DGKB: variants seen among roughly 807,000 people sequenced by gnomAD.
DGKB encodes the protein diacylglycerol kinase beta, also known as 90 kDa diacylglycerol kinase.
In DGKB, 67 loss-of-function variants were observed where a neutral mutation model predicts 114.3. That is an observed-to-expected ratio of 0.59 (90% confidence interval 0.48 to 0.72). The LOEUF (loss-of-function observed/expected upper bound fraction) is 0.72, where lower values mean the gene tolerates loss of function less well. Among genes scored for constraint, DGKB ranks in the 30% least tolerant of loss-of-function variants. The probability of loss-of-function intolerance (pLI) is 0.00; values close to 1 mark genes in which losing one functional copy is unlikely to be tolerated. For synonymous variants in DGKB, 398 were observed against 323.1 expected, an observed-to-expected ratio of 1.23 and a Z score of -2.49; for missense variants, 907 against 975.2, an observed-to-expected ratio of 0.93 and a Z score of 0.93.
chr7:14,969,647 G>C lies in DGKB; in HGVS notation c.-188+5049C>G, dbSNP rs539791066. On this transcript the variant is annotated intron_variant, in intron 1 of 4. Coordinates refer to the DGKB transcript ENST00000437998. ...GGGATCTACGTTGTGTGCTCGTTAT[G>C]AGAGTCTAATGCCTGATGATCCCAA... Among the ~76,000 whole-genome samples the C allele has an allele frequency of 3.3e-5, 5 of 152,252 alleles. No homozygotes were observed. The East Asian group carries it at 9.7e-4, about 30-fold the overall frequency.
chr7:14,766,691 A>G (rs1836511599), intron 2 of DGKB, among the ~76,000 whole-genome samples: 1 of 151,894 alleles, frequency 6.6e-6, no homozygotes, highest in South Asian at 2.1e-4. Flanking sequence ...ATTTAACTGG[A>G]TGACATCACA....
At chr7:14,397,121 G>A (rs1441018594) in intron 21 of DGKB, among the ~76,000 whole-genome samples, 3 of 152,084 alleles carry the variant, frequency 2.0e-5, no homozygotes, top group East Asian at 1.9e-4. Flanking sequence ...ATGTTTTCTC[G>A]CAATTTTACA....
intron 23 of DGKB, among the ~76,000 whole-genome samples, chr7:14,189,583 A>G (rs1784011499): frequency 6.6e-6 from 1 of 152,178 alleles, no homozygotes; most frequent in African/African-American, 2.4e-5. Context: ...ATGTAAATGG[A>G]TTAAATTTTC....
chr7:14,817,420 G>A (rs1203867771), intron 2 of DGKB, among the ~76,000 whole-genome samples: 1 of 152,162 alleles, frequency 6.6e-6, no homozygotes, highest in East Asian at 1.9e-4. Context: ...CTAGCCAGAT[G>A]CTATGATATT....
intron 6 of DGKB, 125 bp from the exon 7 acceptor site, chr7:14,701,855 A>C: frequency 1.6e-6 from 1 of 635,758 alleles, no homozygotes; most frequent in Non-Finnish European, 2.8e-6. Context: ...TGCTCCAAAC[A>C]ATTAATTTGT....
chr7:14,173,767 A>AAAAGT (rs1237674022), intron 25 of DGKB, among the ~76,000 whole-genome samples: 9 of 152,204 alleles, frequency 5.9e-5, no homozygotes, highest in African/African-American at 2.2e-4. Context: ...CGGCTGTGGG[A>AAAAGT]AAAGTAGAGT....
intron 17 of DGKB, among the ~76,000 whole-genome samples, chr7:14,596,719 T>C (rs1326113552): frequency 6.6e-6 from 1 of 152,178 alleles, no homozygotes; most frequent in African/African-American, 2.4e-5. Context: ...TTTTTGTTTT[T>C]TACTGTTTTA....
intron 2 of DGKB, among the ~76,000 whole-genome samples, chr7:14,834,049 T>A (rs181981192): frequency 2.6e-4 from 40 of 152,262 alleles, no homozygotes; most frequent in Admixed American, 2.6e-3. Flanking sequence ...TATTATTTAC[T>A]GTGGCACTTC....
chr7:14,848,572 G>C (rs1848943754), intron 1 of DGKB, among the ~76,000 whole-genome samples: 1 of 152,166 alleles, frequency 6.6e-6, no homozygotes, highest in East Asian at 1.9e-4. Context: ...GCCTGATGTG[G>C]TGACAAAAAG....
intron 23 of DGKB, among the ~76,000 whole-genome samples, chr7:14,294,706 T>C (rs1802266798): frequency 6.6e-6 from 1 of 152,212 alleles, no homozygotes; most frequent in South Asian, 2.1e-4. Flanking sequence ...AAACAGTTAA[T>C]ACATTTTGTT....
intron 6 of DGKB, among the ~76,000 whole-genome samples, chr7:14,712,541 C>A (rs1184010214): frequency 6.6e-6 from 1 of 151,998 alleles, no homozygotes; most frequent in Non-Finnish European, 1.5e-5. Context: ...CATAGTGACA[C>A]ATGCCTGTAA....
At chr7:14,679,479 T>A (rs1820459099) in intron 12 of DGKB, among the ~76,000 whole-genome samples, 1 of 151,998 alleles carries the variant, frequency 6.6e-6, no homozygotes, top group Non-Finnish European at 1.5e-5. Context: ...GTTGCAACAG[T>A]CAAATCATTT....
At chr7:14,159,411 T>A (rs1423597061) in intron 25 of DGKB, among the ~76,000 whole-genome samples, 1 of 152,202 alleles carries the variant, frequency 6.6e-6, no homozygotes, top group African/African-American at 2.4e-5. Flanking sequence ...TGTCACAGTA[T>A]AATAGTACCA....
intron 9 of DGKB, among the ~76,000 whole-genome samples, chr7:14,689,829 T>G (rs1238401691): frequency 6.6e-6 from 1 of 152,230 alleles, no homozygotes; most frequent in South Asian, 2.1e-4. Flanking sequence ...ATACATAGTC[T>G]TCTATTCTCC....
chr7:14,314,341 G>C (rs1046855672), intron 23 of DGKB, among the ~76,000 whole-genome samples: 1 of 151,746 alleles, frequency 6.6e-6, no homozygotes, highest in Non-Finnish European at 1.5e-5. Context: ...TCTGAGCTAC[G>C]GGAGGACATT....
intron 14 of DGKB, among the ~76,000 whole-genome samples, chr7:14,622,448 A>G (rs1332402693): frequency 6.6e-6 from 1 of 152,114 alleles, no homozygotes; most frequent in African/African-American, 2.4e-5. Context: ...CTAAATGTAT[A>G]ATTCTTGTTC....
Position 14,205,918 on chromosome 7 carries a change from A to G in DGKB, c.2123-27767T>C, listed in dbSNP as rs560890491. 2.9e-3 allele frequency among the ~76,000 whole-genome samples: 445 copies of G among 152,174 alleles called. 3 individuals carry two copies. Among genetic ancestry groups the G allele is most frequent in the Non-Finnish European group, 2.7e-3 (181 of 67,974 alleles). On this transcript the variant is annotated intron_variant, in intron 23 of 25. Coordinates refer to ENST00000402815, the MANE Select transcript of DGKB (RefSeq NM_001350709.2). ...ATAATATGATATATATATGTATGTT[A>G]TAGAAGATAGATCAATTGATTGACA...
intron 23 of DGKB, among the ~76,000 whole-genome samples, chr7:14,183,231 C>T (rs1782901468): frequency 6.6e-6 from 1 of 152,158 alleles, no homozygotes; most frequent in African/African-American, 2.4e-5. Flanking sequence ...ATATGAAATC[C>T]ATTCACTAGA....
intron 1 of DGKB, among the ~76,000 whole-genome samples, chr7:14,929,290 T>C (rs1287851804): frequency 2.6e-5 from 4 of 152,096 alleles, no homozygotes; most frequent in Non-Finnish European, 5.9e-5. Flanking sequence ...CAATTTTTAG[T>C]TAATTGAGAA....
Sources: allele counts gnomAD v4.1 joint callset (sites outside exome capture counted in the v4.1 genomes callset), GRCh38; gene constraint gnomAD v4.1.1; transcripts MANE v1.5; gene names NCBI Gene and HGNC (gene_info 2026-07-23, HGNC 2026-07-21).